KCNN2: variants seen among roughly 807,000 people sequenced by gnomAD.
The protein encoded by KCNN2 is potassium calcium-activated channel subfamily N member 2, also known as small conductance calcium-activated potassium channel protein 2.
Under a neutral mutation model 55.5 loss-of-function variants are expected in KCNN2, and 24 were observed. That is an observed-to-expected ratio of 0.43 (90% CI 0.31 to 0.61). The LOEUF (loss-of-function observed/expected upper bound fraction) is 0.61. KCNN2 is among the 20% of genes least tolerant of loss of function. The pLI, the probability that KCNN2 is intolerant of heterozygous loss-of-function variation, is 0.08. For missense variants in KCNN2, 754 were observed against 853.6 expected (o/e 0.88, Z 1.45); for synonymous variants, 431 against 336.1 (o/e 1.28, Z -3.09).
intron 2 of KCNN2, among the ~76,000 whole-genome samples, chr5:114,366,372 A>G (rs1212932208): frequency 1.3e-5 from 2 of 152,216 alleles, no homozygotes; most frequent in Non-Finnish European, 2.9e-5. Flanking sequence ...TATACTTAAG[A>G]TAATTTCAAA....
chr5:114,144,995 G>T (rs1005304199), intron 1 of KCNN2, among the ~76,000 whole-genome samples: 2 of 152,054 alleles, frequency 1.3e-5, no homozygotes, highest in African/African-American at 4.8e-5. Context: ...GAGGTGACAA[G>T]GTGGATTTAC....
intron 2 of KCNN2, among the ~76,000 whole-genome samples, chr5:114,233,171 C>T (rs13166297): frequency 2.0e-5 from 3 of 151,238 alleles, no homozygotes; most frequent in Admixed American, 6.6e-5. Flanking sequence ...CCGCCCGCCT[C>T]GGCCTCCCAA....
rs555521135 is a variant in KCNN2 at position 114,066,794 on chromosome 5, T to G, written c.-271+10294T>G. On this transcript the variant is annotated intron_variant, in intron 1 of 10. Transcript: ENST00000512097. ...TGGGGTTTCATCATGTTGGCCAGGA[T>G]GGTCTCAATCTCTTGACCTCGTGGT... 1.8e-4 allele frequency among the ~76,000 whole-genome samples: 28 copies of G among 152,286 alleles called. 1 individual carries two copies. The highest frequency in any genetic ancestry group is 6.7e-4 in the African/African-American group (28 of 41,582).
At chr5:114,112,874 T>C (rs1388296080) in intron 1 of KCNN2, among the ~76,000 whole-genome samples, 1 of 152,112 alleles carries the variant, frequency 6.6e-6, no homozygotes, top group Admixed American at 6.6e-5. Flanking sequence ...AATGGGATCT[T>C]TTTGCATCCT....
chr5:114,204,808 T>C (rs1753737766), intron 1 of KCNN2, among the ~76,000 whole-genome samples: 2 of 152,214 alleles, frequency 1.3e-5, no homozygotes, highest in South Asian at 4.1e-4. Context: ...GGGAAAAATA[T>C]ACTTTGTTTT....
chr5:114,059,210 T>G (rs982978852), intron 1 of KCNN2, among the ~76,000 whole-genome samples: 6 of 152,058 alleles, frequency 3.9e-5, no homozygotes, highest in Non-Finnish European at 8.8e-5. Flanking sequence ...ACAAAAGAAA[T>G]TCCTGGATTT....
intron 3 of KCNN2, among the ~76,000 whole-genome samples, chr5:114,452,406 A>T (rs1178037767): frequency 2.0e-5 from 3 of 152,186 alleles, no homozygotes; most frequent in Admixed American, 1.3e-4. Flanking sequence ...CATTTATTAC[A>T]GCTTGCATAT....
chr5:114,388,703 T>C (rs1758358281), intron 2 of KCNN2, among the ~76,000 whole-genome samples: 1 of 152,174 alleles, frequency 6.6e-6, no homozygotes, highest in African/African-American at 2.4e-5. Context: ...TGTCTCAAAA[T>C]GTCTTTCACC....
chr5:114,350,175 C>T (rs549370170), intron 2 of KCNN2, among the ~76,000 whole-genome samples: 41 of 151,892 alleles, frequency 2.7e-4, no homozygotes, highest in South Asian at 8.3e-4. Context: ...TATGATGTTT[C>T]GATGCATGTA....
At chr5:114,116,940 C>T (rs1015859118) in intron 1 of KCNN2, among the ~76,000 whole-genome samples, 1 of 152,086 alleles carries the variant, frequency 6.6e-6, no homozygotes. Context: ...TATAAAAAGT[C>T]ATGCAAGGAG....
At position 114,488,278 on chromosome 5, in the gene KCNN2, C is replaced by T. The variant is rs185657438; in HGVS notation, c.2018+1101C>T. 1.5e-4 allele frequency among the ~76,000 whole-genome samples: 23 copies of T among 152,194 alleles called. No individual in the cohort carries two copies. The East Asian group carries it at 3.3e-3, about 22-fold the overall frequency. ...ATTTATAGTAGAGGCAGGCTCTGCACGTATGGTAGAGTATCTGGCCTTCAT... is the reference window on the plus strand; with the variant it reads ...ATTTATAGTAGAGGCAGGCTCTGCATGTATGGTAGAGTATCTGGCCTTCAT... On this transcript the variant is annotated intron_variant, in intron 6 of 7. Coordinates refer to ENST00000673685, the MANE Select transcript of KCNN2 (RefSeq NM_021614.4).
At chr5:114,389,705 C>T (rs1415493080) in intron 2 of KCNN2, among the ~76,000 whole-genome samples, 1 of 152,096 alleles carries the variant, frequency 6.6e-6, no homozygotes, top group African/African-American at 2.4e-5. Flanking sequence ...TGGAAAAAGA[C>T]TAAACTAGGA....
chr5:114,218,303 A>G (rs1754050915), intron 1 of KCNN2, among the ~76,000 whole-genome samples: 1 of 152,230 alleles, frequency 6.6e-6, no homozygotes, highest in African/African-American at 2.4e-5. Flanking sequence ...TAGCAGCTTT[A>G]TTCGTTCATA....
intron 2 of KCNN2, among the ~76,000 whole-genome samples, chr5:114,234,314 A>G (rs1311472681): frequency 6.6e-6 from 1 of 152,164 alleles, no homozygotes; most frequent in Non-Finnish European, 1.5e-5. Context: ...TTTCCAATAA[A>G]CAGAGAAGAC....
chr5:114,087,405 T>G (rs954768427), intron 1 of KCNN2, among the ~76,000 whole-genome samples: 1 of 152,200 alleles, frequency 6.6e-6, no homozygotes, highest in Non-Finnish European at 1.5e-5. Flanking sequence ...TTCTTATAGT[T>G]TGATGTCTTA....
Position 114,473,109 on chromosome 5 carries a change from C to T in KCNN2, c.1835C>T (p.Thr612Ile), listed in dbSNP as rs1761823851. The T allele has an allele frequency of 6.2e-7, 1 of 1,612,462 alleles. No homozygotes were observed. Among genetic ancestry groups the T allele is most frequent in the Non-Finnish European group, 8.5e-7 (1 of 1,179,292 alleles). The change falls in exon 5 of 8, where the codon ACC becomes ATC. Residue 612 changes from threonine to isoleucine, a missense_variant. Thr to Ile is a moderately conservative substitution (Grantham distance 89, BLOSUM62 -1). This residue lies in a region of KCNN2 where 86 missense variants were observed against 233.0 expected (regional missense o/e 0.37). Transcript: ENST00000673685. ...GTAGTGGCAAGGAAGCTAGAACTTA[C>T]CAAAGCAGAAAAACACGTGCACAAT... is the stretch of plus-strand genomic sequence containing the variant. Reference protein sequence around the residue: ...VAVVARKLELTKAEKHVHNFM... With the variant: ...VAVVARKLELIKAEKHVHNFM...
intron 2 of KCNN2, among the ~76,000 whole-genome samples, chr5:114,313,728 T>C (rs1243332095): frequency 2.6e-5 from 4 of 152,164 alleles, no homozygotes; most frequent in Non-Finnish European, 5.9e-5. Context: ...CTTTAATATA[T>C]GTCTGTTTCC....
intron 3 of KCNN2, among the ~76,000 whole-genome samples, chr5:114,461,297 C>A (rs1048461583): frequency 1.3e-5 from 2 of 152,156 alleles, no homozygotes; most frequent in African/African-American, 4.8e-5. Context: ...ACAATGACAG[C>A]CTCTACACCA....
At chr5:114,363,550 C>A (rs1484746658) in intron 1 of KCNN2, among the ~76,000 whole-genome samples, 1 of 152,202 alleles carries the variant, frequency 6.6e-6, no homozygotes, top group Admixed American at 6.5e-5. Context: ...ATCTGTAATT[C>A]ATCCCCTCGT....
Sources: allele counts gnomAD v4.1 joint callset (sites outside exome capture counted in the v4.1 genomes callset), GRCh38; gene constraint gnomAD v4.1.1; regional missense constraint gnomAD v4.1.1; transcripts MANE v1.5; gene names NCBI Gene and HGNC (gene_info 2026-07-23, HGNC 2026-07-21).